ABCA7: variants seen among roughly 807,000 people sequenced by gnomAD.
The protein encoded by ABCA7 is phospholipid-transporting ATPase ABCA7.
Under a neutral mutation model 227.6 loss-of-function variants are expected in ABCA7, and 261 were observed. That is an observed-to-expected ratio of 1.15 (90% CI 1.04 to 1.27). ABCA7 has a LOEUF of 1.27. Among genes scored for constraint, ABCA7 ranks in the 50% most tolerant of loss-of-function variants. ABCA7 has a pLI of 0.00. For synonymous variants in ABCA7, 1,488 were observed against 1,279.7 expected (o/e 1.16, Z -3.47); for missense variants, 3,331 against 2,924.5 (o/e 1.14, Z -3.21).
chr19:1,040,733 A>G (rs943760053), intron 1 of ABCA7, among the ~76,000 whole-genome samples: 2 of 152,066 alleles, frequency 1.3e-5, no homozygotes, highest in Non-Finnish European at 2.9e-5. Flanking sequence ...TTAATGCTAC[A>G]TAAGGTGTGG....
chr19:1,053,999 C>T lies in ABCA7; in HGVS notation c.3473-7C>T, dbSNP rs1386542373. Reference sequence around the variant, plus strand: ...AACTTTGACCCTGACCCCTGATGGCCCTGCAGATGGCAGCTGCGGGCAGCA... The same window carrying T: ...AACTTTGACCCTGACCCCTGATGGCTCTGCAGATGGCAGCTGCGGGCAGCA... On this transcript the variant is annotated splice_region_variant and splice_polypyrimidine_tract_variant and intron_variant, in intron 25 of 46. Transcript: ENST00000263094. 5.6e-6 allele frequency: 9 copies of T among 1,613,166 alleles called. No homozygotes were observed. Among genetic ancestry groups the T allele is most frequent in the Non-Finnish European group, 5.9e-6 (7 of 1,179,802 alleles).
rs202188155 is a variant in ABCA7, at chr19:1,054,047, C to G, written c.3514C>G (p.Leu1172Val). The G allele has an allele frequency of 9.9e-6, 16 of 1,613,202 alleles. No individual in the cohort carries two copies. The highest frequency in any genetic ancestry group is 1.4e-5 in the Non-Finnish European group (16 of 1,179,988). Residue 1172 changes from leucine to valine, a missense_variant, in exon 26 of 47, where the codon CTA (leucine) becomes GTA (valine). Physicochemically the swap from Leu to Val is conservative, Grantham distance 32. Transcript: ENST00000263094. This position sits in a 1 kb window ranked among gnomAD's most constrained non-coding sequence, Gnocchi z 4.8. ...GQHLCTGIAG[L>V]DVTLRLKMPP... ...GCACCTATGCACAGGCATTGCTGGC[C>G]TAGACGTAACCCTACGGCTCAAGAT...
rs2042112729 is a variant in ABCA7, at chr19:1,054,912, C to T, written c.3950+34C>T. ...TCTTGTTGGCCTGGACCTTTCCCCT[C>T]TCTGGCCTCAGTTTTCCCATCTGGT... On this transcript the variant is annotated intron_variant, in intron 29 of 46. Transcript: ENST00000263094. The surrounding 1 kb of genome is among the most constrained non-coding windows in gnomAD (Gnocchi z 4.8). 6.5e-7 allele frequency: 1 copy of T among 1,548,936 alleles called. No individual in the cohort carries two copies. Among genetic ancestry groups the T allele is most frequent in the Non-Finnish European group, 8.8e-7 (1 of 1,142,800 alleles).
At chr19:1,058,086 G>A (rs2042407102) in intron 36 of ABCA7, 27 bp downstream of exon 36, 1 of 1,613,942 alleles carries the variant, frequency 6.2e-7, no homozygotes, top group Non-Finnish European at 8.5e-7. Context: ...CTGGGGCTTG[G>A]GCTGGGTTGG....
chr19:1,044,887 GC>G (rs367921437), intron 11 of ABCA7, 114 bp from the exon 12 acceptor site: 29 of 1,480,648 alleles, frequency 2.0e-5, no homozygotes, highest in African/African-American at 1.3e-4. Context: ...GAGGGAGCCG[GC>G]CGTGGGCCTA....
chr19:1,064,895 G>T, intron 45 of ABCA7, 36 bp from the exon 46 acceptor site: 1 of 1,545,456 alleles, frequency 6.5e-7, no homozygotes, highest in South Asian at 1.2e-5. Flanking sequence ...ACCTGGGAAA[G>T]GCCCGATCCG....
Position 1,056,036 on chromosome 19 carries a change from C to T in ABCA7, c.4239-30C>T, listed in dbSNP as rs1038551287. ...CTCTCCCGGCCCCCCCGGCCCTCAG[C>T]TCCCCTTCCCTGCCTGCATGGCCCC... is the stretch of plus-strand genomic sequence containing the variant. On this transcript the variant is annotated intron_variant, in intron 31 of 46. Coordinates refer to ENST00000263094, the MANE Select transcript of ABCA7 (RefSeq NM_019112.4). The surrounding 1 kb of genome is among the most constrained non-coding windows in gnomAD (Gnocchi z 4.3). The T allele has an allele frequency of 6.4e-6, 10 of 1,562,458 alleles. No homozygotes were observed. The highest frequency in any genetic ancestry group is 7.8e-6 in the Non-Finnish European group (9 of 1,150,548).
chr19:1,052,064 C>G lies in ABCA7; in HGVS notation c.3085C>G (p.Leu1029Val). 1 of 1,612,388 alleles carries G rather than the reference C, an allele frequency of 6.2e-7. No individual in the cohort carries two copies. ...CTCCCCACTCTTCCTGCGCCGTCAC[C>G]TGGGCTCCGGCTACTACCTGACGCT... ...CGSPLFLRRH[L>V]GSGYYLTLVK... The change falls in exon 22 of 47, where the codon CTG becomes GTG. Residue 1029 changes from leucine to valine, a missense_variant. Leu to Val is a conservative substitution (Grantham distance 32). Transcript: ENST00000263094.
In ABCA7 at chr19:1,051,253, G is replaced by A. The variant is rs1439266568; in HGVS notation, c.2783G>A (p.Gly928Glu). Residue 928 changes from glycine (G) to glutamate (E), a missense_variant, in exon 20 of 47, where the codon GGG becomes GAG. Physicochemically the swap from Gly to Glu is moderately conservative, Grantham distance 98. Coordinates refer to ENST00000263094, the MANE Select transcript of ABCA7 (RefSeq NM_019112.4). Reference sequence around the variant, plus strand: ...CAGGACCGTCTGCTGCAGGATGTGGGGCTGGTCTCCAAGCAGAGTGTGCAG... The same window carrying A: ...CAGGACCGTCTGCTGCAGGATGTGGAGCTGGTCTCCAAGCAGAGTGTGCAG... ...PEQDRLLQDVGLVSKQSVQTR... is the reference protein window; with the variant it reads ...PEQDRLLQDVELVSKQSVQTR... 8 of 1,608,954 alleles carry A rather than the reference G, an allele frequency of 5.0e-6. No individual in the cohort carries two copies. The African/African-American group carries it at 9.3e-5, about 19-fold the overall frequency.
rs148613263 is a variant in ABCA7, at chr19:1,052,023, G to A, written c.3044G>A (p.Arg1015His). ...GDRVAVVAGGRLCCCGSPLFL... is the reference protein window; with the variant it reads ...GDRVAVVAGGHLCCCGSPLFL... ...CGTGTGGCCGTGGTGGCAGGTGGCCGCTTGTGCTGCTGTGGCTCCCCACTC... is the reference window on the plus strand; with the variant it reads ...CGTGTGGCCGTGGTGGCAGGTGGCCACTTGTGCTGCTGTGGCTCCCCACTC... The change falls in exon 22 of 47, where the codon CGC (arginine) becomes CAC (histidine). Residue 1015 changes from arginine (R) to histidine (H), a missense_variant. Physicochemically the swap from Arg to His is conservative, Grantham distance 29. Transcript: ENST00000263094. The A allele has an allele frequency of 2.2e-5, 35 of 1,612,034 alleles. No homozygotes were observed. The highest frequency in any genetic ancestry group is 3.3e-4 in the Middle Eastern group (2 of 6,008).
chr19:1,064,724 T>A lies in ABCA7; in HGVS notation c.6045-207T>A, dbSNP rs867807520. 36 of 852,470 alleles carry A rather than the reference T, an allele frequency of 4.2e-5. No homozygotes were observed. In the African/African-American group the frequency reaches 6.0e-4, roughly 14 times the overall value. 52.8% of individuals were successfully genotyped at this position (852,470 alleles called of 1,614,324 possible). A position where few individuals can be genotyped will look rare whatever the true frequency, so the allele number is the denominator to read the frequency against. Reference sequence around the variant, plus strand: ...AGGGAGACCCCATCTCTATAAAAAATTTAAAAATTAGCTGGACATGGTGGT... The same window carrying A: ...AGGGAGACCCCATCTCTATAAAAAAATTAAAAATTAGCTGGACATGGTGGT... On this transcript the variant is annotated intron_variant, in intron 45 of 46. Transcript: ENST00000263094.
In ABCA7 at chr19:1,056,470, C is replaced by T. The variant is rs369037944; in HGVS notation, c.4557C>T (p.Leu1519=). 217 of 1,613,398 alleles carry T rather than the reference C, an allele frequency of 1.3e-4. No homozygotes were observed. The highest frequency in any genetic ancestry group is 1.8e-4 in the Non-Finnish European group (208 of 1,179,988). The change falls in exon 33 of 47, where the codon CTC becomes CTT. Residue 1519 remains leucine (L), a synonymous_variant. Transcript: ENST00000263094. The surrounding 1 kb of genome is among the most constrained non-coding windows in gnomAD (Gnocchi z 4.3). ...SITTLNHPLN[L]TKEQLSEGAL... is the part of the protein sequence containing the mutation. Reference sequence around the variant, plus strand: ...CCACACTCAACCACCCCTTGAACCTCACCAAGGAGCAGCTGTCTGAGGGTG... The same window carrying T: ...CCACACTCAACCACCCCTTGAACCTTACCAAGGAGCAGCTGTCTGAGGGTG...
chr19:1,054,297 C>T lies in ABCA7; in HGVS notation c.3682C>T (p.Arg1228Cys), dbSNP rs201115102. ...GCAGCTCCAGGCCCTGCTTCTCAAG[C>T]GCTTTCTGCTTGCCCGCCGCAGCCG... ...RQQLQALLLK[R>C]FLLARRSRRG... The change falls in exon 27 of 47, where the codon CGC (arginine) becomes TGC (cysteine). Residue 1228 changes from arginine to cysteine, a missense_variant. Arg to Cys is a radical substitution (Grantham distance 180). Coordinates refer to ENST00000263094, the MANE Select transcript of ABCA7 (RefSeq NM_019112.4). The surrounding 1 kb of genome is among the most constrained non-coding windows in gnomAD (Gnocchi z 4.8). 74 of 1,606,002 alleles carry T rather than the reference C, an allele frequency of 4.6e-5. No homozygotes were observed. Among genetic ancestry groups the T allele is most frequent in the Middle Eastern group, 1.7e-4 (1 of 6,010 alleles).
chr19:1,063,311 C>G (rs4147926), intron 42 of ABCA7, among the ~76,000 whole-genome samples: 14,705 of 33,674 alleles, frequency 0.44, 5,251 homozygotes, highest in Middle Eastern at 0.61. Flanking sequence ...CCACACCCAT[C>G]CCAGCTCCAC....
rs771162585 is a variant in ABCA7 at position 1,050,758 on chromosome 19, C to T, written c.2553-163C>T. Among the ~76,000 whole-genome samples, 264 of 149,480 alleles carry T rather than the reference C, an allele frequency of 1.8e-3. 2 individuals carry two copies. Among genetic ancestry groups the T allele is most frequent in the Non-Finnish European group, 3.1e-3 (212 of 67,604 alleles). On this transcript the variant is annotated intron_variant, in intron 18 of 46. Coordinates refer to ENST00000263094, the MANE Select transcript of ABCA7 (RefSeq NM_019112.4). Reference sequence around the variant, plus strand: ...TCGTGCCGCTGCACTCCAGCCTGGGCAACAGAGTGAAACTCCGTCTCAAAA... The same window carrying T: ...TCGTGCCGCTGCACTCCAGCCTGGGTAACAGAGTGAAACTCCGTCTCAAAA...
At position 1,062,198 on chromosome 19, in the gene ABCA7, A is replaced by G; in HGVS notation, c.5597A>G (p.His1866Arg). The stretch of plus-strand genomic sequence containing the variant: ...GTGGCCCGGGAACCCAGTGCTGCGC[A>G]CCTCAGCATGGGATACTGCCCTCAA... ...HSVAREPSAA[H>R]LSMGYCPQSD... Residue 1866 changes from histidine (H) to arginine (R), a missense_variant, in exon 42 of 47, where the codon CAC becomes CGC. Physicochemically the swap from His to Arg is conservative, Grantham distance 29. Transcript: ENST00000263094. The G allele has an allele frequency of 6.2e-7, 1 of 1,612,284 alleles. No homozygotes were observed. The highest frequency in any genetic ancestry group is 8.5e-7 in the Non-Finnish European group (1 of 1,179,728).
At chr19:1,042,983 C>A in intron 7 of ABCA7, 58 bp from the exon 8 acceptor site, 1 of 1,547,452 alleles carries the variant, frequency 6.5e-7, no homozygotes, top group South Asian at 1.2e-5. Context: ...AGTGCCCTGC[C>A]CTGGTTAGGG....
chr19:1,045,291 TG>T, intron 12 of ABCA7, 60 bp downstream of exon 12: 1 of 1,447,108 alleles, frequency 6.9e-7, no homozygotes. Flanking sequence ...GCGTGGTGGG[TG>T]GGGCCAGGCA....
chr19:1,064,286 G>A, intron 45 of ABCA7, 33 bp downstream of exon 45: 1 of 1,532,072 alleles, frequency 6.5e-7, no homozygotes, highest in African/African-American at 1.4e-5. Flanking sequence ...CAGGTGTGGG[G>A]TGAGGGTGGG....
Sources: allele counts gnomAD v4.1 joint callset (sites outside exome capture counted in the v4.1 genomes callset), GRCh38; gene constraint gnomAD v4.1.1; non-coding constraint Gnocchi (gnomAD v3.1); transcripts MANE v1.5; gene names NCBI Gene and HGNC (gene_info 2026-07-23, HGNC 2026-07-21).